MTF1: variants seen among roughly 807,000 people sequenced by gnomAD.
MTF1 encodes the protein metal regulatory transcription factor 1.
In MTF1, 22 loss-of-function variants were observed where a neutral mutation model predicts 70.4. The ratio of observed to expected loss-of-function variants is 0.31; its 90% CI spans 0.22 to 0.45. The LOEUF (loss-of-function observed/expected upper bound fraction) is 0.45, where lower values mean the gene tolerates loss of function less well. MTF1 is among the 20% of genes least tolerant of loss of function. MTF1 has a pLI of 1.00. For synonymous variants in MTF1, 333 were observed against 352.8 expected (o/e 0.94, Z 0.63); for missense variants, 649 against 922.0 (o/e 0.70, Z 3.83).
chr1:37,823,954 T>C (rs1340298705), intron 7 of MTF1, 142 bp from the exon 8 acceptor site: 11 of 624,088 alleles, frequency 1.8e-5, no homozygotes, highest in Non-Finnish European at 3.1e-5. Context: ...TAAAGTAACA[T>C]GTATTTTCTT....
At position 37,831,708 on chromosome 1, in the gene MTF1, C is replaced by T. The variant is rs139217390; in HGVS notation, c.1068+537G>A. ...GGGCTTGTCCTTTAGCAGATAGAGG[C>T]CTCTATATGTGTAAGAGGTTTTCTT... On this transcript the variant is annotated intron_variant, in intron 7 of 10. Coordinates refer to ENST00000373036, the MANE Select transcript of MTF1 (RefSeq NM_005955.3). Among the ~76,000 whole-genome samples the T allele has an allele frequency of 9.2e-3, 1,403 of 152,048 alleles. 20 individuals are homozygous for T. The highest frequency in any genetic ancestry group is 0.032 in the African/African-American group (1,332 of 41,444).
rs71573764 is a variant in MTF1 at position 37,827,336 on chromosome 1, GTTATTATTATTATTA to G, written c.1069-3539_1069-3525del. The stretch of plus-strand genomic sequence containing the variant: ...TAAGCTTTGCAACCTCCTCATAGTT[GTTATTATTATTATTA>G]TTATTATTATTATTATTATTATTTG... On this transcript the variant is annotated intron_variant, in intron 7 of 10. Transcript: ENST00000373036. Among the ~76,000 whole-genome samples the G allele has an allele frequency of 2.6e-4, 38 of 144,086 alleles. No homozygotes were observed. The East Asian group carries it at 4.0e-3, about 15-fold the overall frequency. 94.5% of individuals were successfully genotyped at this position (144,086 alleles called of 152,430 possible). A position where few individuals can be genotyped will look rare whatever the true frequency, so the allele number is the denominator to read the frequency against.
intron 9 of MTF1, among the ~76,000 whole-genome samples, chr1:37,820,663 G>A (rs951039316): frequency 6.6e-6 from 1 of 152,208 alleles, no homozygotes; most frequent in African/African-American, 2.4e-5. Flanking sequence ...TTTAAAAAAT[G>A]TGAAACTATT....
At chr1:37,846,324 T>G (rs902945857) in intron 2 of MTF1, among the ~76,000 whole-genome samples, 2 of 151,218 alleles carry the variant, frequency 1.3e-5, no homozygotes, top group African/African-American at 4.9e-5. Context: ...AAAGGCTTCT[T>G]GAAGGTGGTG....
chr1:37,824,676 C>T (rs905926054), intron 7 of MTF1, among the ~76,000 whole-genome samples: 7 of 151,998 alleles, frequency 4.6e-5, no homozygotes, highest in Admixed American at 2.0e-4. Context: ...CCAGCGTGGG[C>T]GACAGAGCAA....
At chr1:37,844,693 T>C (rs1324884511) in intron 2 of MTF1, among the ~76,000 whole-genome samples, 1 of 152,224 alleles carries the variant, frequency 6.6e-6, no homozygotes, top group East Asian at 1.9e-4. Context: ...GCTACAGCTT[T>C]TGTTAACTTT....
At position 37,815,462 on chromosome 1, in the gene MTF1, C is replaced by A; in HGVS notation, c.1936G>T (p.Ala646Ser). ...GAGCAGCCCTTTCTCCTGCTGGATGCCCGCTCCTTTGCAGAGTCCCGGCAT... is the reference window on the plus strand; with the variant it reads ...GAGCAGCCCTTTCTCCTGCTGGATGACCGCTCCTTTGCAGAGTCCCGGCAT... Reference protein sequence around the residue: ...CACRDSAKERASSRRKGCSSP... With the variant: ...CACRDSAKERSSSRRKGCSSP... Residue 646 changes from alanine (A) to serine (S), a missense_variant, in exon 11 of 11, where the codon GCA (alanine) becomes TCA (serine). Coordinates refer to ENST00000373036, the MANE Select transcript of MTF1 (RefSeq NM_005955.3). The surrounding 1 kb of genome is among the most constrained non-coding windows in gnomAD (Gnocchi z 4.5). The A allele has an allele frequency of 6.2e-7, 1 of 1,605,138 alleles. No homozygotes were observed. The highest frequency in any genetic ancestry group is 1.1e-5 in the South Asian group (1 of 90,032).
chr1:37,819,460 C>A (rs1019556558), intron 9 of MTF1, among the ~76,000 whole-genome samples: 1 of 151,506 alleles, frequency 6.6e-6, no homozygotes, highest in African/African-American at 2.4e-5. Flanking sequence ...GGACTATAAA[C>A]CTATGCCCAG....
intron 2 of MTF1, among the ~76,000 whole-genome samples, chr1:37,851,852 AC>A (rs1239908844): frequency 6.7e-6 from 1 of 149,156 alleles, no homozygotes; most frequent in Non-Finnish European, 1.5e-5. Context: ...TAACTACCAA[AC>A]TTATTTAAAA....
chr1:37,820,132 A>G (rs2148400994), intron 9 of MTF1, among the ~76,000 whole-genome samples: 2 of 152,282 alleles, frequency 1.3e-5, no homozygotes, highest in African/African-American at 4.8e-5. Flanking sequence ...GACTCTAGCT[A>G]TCTAGAAATG....
At position 37,818,039 on chromosome 1, in the gene MTF1, A is replaced by G. The variant is rs374895642; in HGVS notation, c.1768-557T>C. ...CTTGGATTCAAGTCCAAGCTCTGCC[A>G]CTTATTAGTTGTTGGTGTTGGGCAT... On this transcript the variant is annotated intron_variant, in intron 9 of 10. Coordinates refer to ENST00000373036, the MANE Select transcript of MTF1 (RefSeq NM_005955.3). Among the ~76,000 whole-genome samples, 228 of 152,292 alleles carry G rather than the reference A, an allele frequency of 1.5e-3. 3 individuals are homozygous for G. The highest frequency in any genetic ancestry group is 5.3e-3 in the African/African-American group (219 of 41,566).
At chr1:37,825,565 A>G (rs2148404601) in intron 7 of MTF1, among the ~76,000 whole-genome samples, 1 of 152,312 alleles carries the variant, frequency 6.6e-6, no homozygotes, top group South Asian at 2.1e-4. Flanking sequence ...CATGAAATCT[A>G]CCAACTTGTA....
In MTF1 at chr1:37,815,298, T is replaced by C. The variant is rs200670701; in HGVS notation, c.2100A>G (p.Gln700=). The stretch of plus-strand genomic sequence containing the variant: ...TCTGAGGGTCTGAAGGAGTCTCTGC[T>C]TGTCGGCTTTGCTCACAGGAGGAGG... The part of the protein sequence containing the change: ...TLPSSCEQSR[Q]AETPSDPQTE... The change falls in exon 11 of 11, where the codon CAA becomes CAG. Residue 700 remains glutamine (Q), a synonymous_variant. Transcript: ENST00000373036. The surrounding 1 kb of genome is among the most constrained non-coding windows in gnomAD (Gnocchi z 4.5). The C allele has an allele frequency of 6.5e-5, 105 of 1,613,974 alleles. 1 individual carries two copies. The South Asian group carries it at 1.0e-3, about 16-fold the overall frequency.
chr1:37,834,818 C>G (rs184814464), intron 6 of MTF1: 7 of 577,020 alleles, frequency 1.2e-5, no homozygotes, highest in African/African-American at 9.3e-5. Flanking sequence ...CACTAGAAAA[C>G]CAGAGCCGCC....
At chr1:37,819,392 G>A (rs1484603392) in intron 9 of MTF1, among the ~76,000 whole-genome samples, 1 of 152,180 alleles carries the variant, frequency 6.6e-6, no homozygotes, top group Non-Finnish European at 1.5e-5. Context: ...GGAGGCCAAA[G>A]CGGGCGGATC....
At position 37,813,847 on chromosome 1, in the gene MTF1, T is replaced by A. The variant is rs952278319; in HGVS notation, c.*1289A>T. On this transcript the variant is annotated 3_prime_UTR_variant, in exon 11 of 11. Coordinates refer to ENST00000373036, the MANE Select transcript of MTF1 (RefSeq NM_005955.3). ...AGGCAGACATATGGATATAATTCTA[T>A]AACACACACACACAATTTTTTCCTA... 2.0e-5 allele frequency: 3 copies of A among 152,678 alleles called. No homozygotes were observed. The highest frequency in any genetic ancestry group is 7.2e-5 in the African/African-American group (3 of 41,470). The allele number at this position is 152,678 out of a possible 1,614,324, so 9.5% of individuals were successfully genotyped here.
intron 2 of MTF1, among the ~76,000 whole-genome samples, chr1:37,845,668 C>T (rs1250532494): frequency 6.6e-6 from 1 of 152,064 alleles, no homozygotes; most frequent in East Asian, 1.9e-4. Context: ...CCACGCCTGG[C>T]TAATTTTTGT....
At chr1:37,843,958 C>A (rs1001413490) in intron 2 of MTF1, among the ~76,000 whole-genome samples, 2 of 150,022 alleles carry the variant, frequency 1.3e-5, no homozygotes, top group Non-Finnish European at 3.0e-5. Context: ...GTTCTCTTTC[C>A]ACTGCCACAC....
At position 37,810,882 on chromosome 1, in the gene MTF1, C is replaced by T. The variant is rs1271038254; in HGVS notation, c.*4254G>A. On this transcript the variant is annotated 3_prime_UTR_variant, in exon 11 of 11. Transcript: ENST00000373036. Reference sequence around the variant, plus strand: ...GGCCTTTTTGCTTAAGGAACCAACACAGGTAGTATGGGGAGCAGTATGGAA... The same window carrying T: ...GGCCTTTTTGCTTAAGGAACCAACATAGGTAGTATGGGGAGCAGTATGGAA... 1 of 152,312 alleles carries T rather than the reference C, an allele frequency of 6.6e-6. No homozygotes were observed. The highest frequency in any genetic ancestry group is 2.4e-5 in the African/African-American group (1 of 41,448). 9.4% of individuals were successfully genotyped at this position (152,312 alleles called of 1,614,324 possible).
Sources: allele counts gnomAD v4.1 joint callset (sites outside exome capture counted in the v4.1 genomes callset), GRCh38; gene constraint gnomAD v4.1.1; non-coding constraint Gnocchi (gnomAD v3.1); transcripts MANE v1.5; gene names NCBI Gene and HGNC (gene_info 2026-07-23, HGNC 2026-07-21).